The following CCDC12 variants were observed in gnomAD, a reference collection of about 807,000 sequenced individuals.
The protein encoded by CCDC12 is coiled-coil domain-containing protein 12.
CCDC12 carries 28 observed loss-of-function variants against 25.7 expected under a neutral mutation model. The observed-to-expected ratio is 1.09, with a 90% CI of 0.81 to 1.50. The LOEUF (loss-of-function observed/expected upper bound fraction) is 1.50. Ranked by LOEUF, CCDC12 falls within the 40% of genes most tolerant of loss-of-function variation. The pLI is 0.00. For synonymous variants in CCDC12, 75 were observed against 87.7 expected (o/e 0.86, Z 0.81); for missense variants, 198 against 210.0 (o/e 0.94, Z 0.35).
upstream of CCDC12, chr3:46,979,811 G>T: frequency 2.5e-6 from 1 of 401,622 alleles, no homozygotes; most frequent in Non-Finnish European, 4.3e-6. Flanking sequence ...CGGGCGGCGC[G>T]GAGGAGGCGG....
intron 1 of CCDC12, among the ~76,000 whole-genome samples, chr3:46,946,177 TGAA>T (rs1343465793): frequency 6.6e-6 from 1 of 152,208 alleles, no homozygotes; most frequent in African/African-American, 2.4e-5. Context: ...CACAGTAAGA[TGAA>T]GATCTCTTTC....
chr3:46,941,405 A>G (rs533926551), intron 1 of CCDC12, among the ~76,000 whole-genome samples: 1 of 152,118 alleles, frequency 6.6e-6, no homozygotes, highest in African/African-American at 2.4e-5. Flanking sequence ...TACTAAAAAC[A>G]CACAAAAAAA....
chr3:46,939,877 A>G (rs1001247556), intron 2 of CCDC12, among the ~76,000 whole-genome samples: 3 of 152,168 alleles, frequency 2.0e-5, no homozygotes, highest in Non-Finnish European at 4.4e-5. Context: ...AGGCTGTGGC[A>G]TTAGGAAAGC....
chr3:46,948,414 G>A (rs12491473), intron 1 of CCDC12, among the ~76,000 whole-genome samples: 55,759 of 152,138 alleles, frequency 0.37, 10,880 homozygotes, highest in Middle Eastern at 0.52. Context: ...GGTCAACAGC[G>A]GTGGACTAGA....
At chr3:46,940,885 G>A (rs2033672928) in intron 2 of CCDC12, 113 bp downstream of exon 2, 1 of 1,023,524 alleles carries the variant, frequency 9.8e-7, no homozygotes, top group Non-Finnish European at 1.5e-6. Context: ...TGGGCAGAAA[G>A]AAGAGGGGAG....
chr3:46,960,454 G>C (rs1284219362), intron 1 of CCDC12, among the ~76,000 whole-genome samples: 3 of 152,176 alleles, frequency 2.0e-5, no homozygotes, highest in African/African-American at 7.2e-5. Flanking sequence ...ATCTAGTGGT[G>C]CCCTGCCCTG....
At position 46,970,638 on chromosome 3, in the gene CCDC12, C is replaced by T. The variant is rs537080592; in HGVS notation, c.96+5999G>A. On this transcript the variant is annotated intron_variant, in intron 1 of 6. Coordinates refer to ENST00000683445, the MANE Select transcript of CCDC12 (RefSeq NM_001277074.2). ...CAGCCCCAAGGGCTGGTCAGCCAGA[C>T]AGCCAGTCTCCCTGTCTCAGAGCAG... is the stretch of plus-strand genomic sequence containing the variant. Among the ~76,000 whole-genome samples the T allele has an allele frequency of 2.0e-5, 3 of 152,348 alleles. No individual in the cohort carries two copies. In the South Asian group the frequency reaches 6.2e-4, roughly 32 times the overall value.
At chr3:46,976,361 C>G in intron 1 of CCDC12, 1 of 1,365,156 alleles carries the variant, frequency 7.3e-7, no homozygotes, top group Non-Finnish European at 9.5e-7. Context: ...ACACGAGCAA[C>G]ACCCGGGAAG....
intron 1 of CCDC12, among the ~76,000 whole-genome samples, chr3:46,947,738 A>G (rs981386737): frequency 5.9e-5 from 9 of 152,188 alleles, no homozygotes; most frequent in African/African-American, 2.2e-4. Flanking sequence ...ACCAGTTTGC[A>G]CCCACAGGCC....
At chr3:46,967,355 G>T (rs2034672341) in intron 1 of CCDC12, among the ~76,000 whole-genome samples, 3 of 151,992 alleles carry the variant, frequency 2.0e-5, no homozygotes, top group African/African-American at 4.8e-5. Context: ...TCCAGCCTTG[G>T]TGGTCTGCAA....
intron 2 of CCDC12, among the ~76,000 whole-genome samples, chr3:46,933,967 T>G (rs962250026): frequency 6.6e-6 from 1 of 151,742 alleles, no homozygotes; most frequent in South Asian, 2.1e-4. Context: ...TGTCGTCCAC[T>G]GGAGTGCAGT....
chr3:46,961,172 T>G (rs1479233104), intron 1 of CCDC12, among the ~76,000 whole-genome samples: 1 of 151,990 alleles, frequency 6.6e-6, no homozygotes, highest in Non-Finnish European at 1.5e-5. Context: ...GTATATGCGC[T>G]GGAGGTGGGT....
At chr3:46,938,829 G>A (rs1472935635) in intron 2 of CCDC12, among the ~76,000 whole-genome samples, 1 of 151,494 alleles carries the variant, frequency 6.6e-6, no homozygotes, top group African/African-American at 2.4e-5. Context: ...TCCAGCCTGG[G>A]TGACAGAGCG....
In CCDC12 at chr3:46,922,366, A is replaced by G. The variant is rs370543887; in HGVS notation, c.342-54T>C. ...AAGGTGAAGGCTGGCCTGATGTGGC[A>G]TTGGGTCCCCTCCCCTCTTGCAGCC... On this transcript the variant is annotated intron_variant, in intron 5 of 6. Transcript: ENST00000683445. The G allele has an allele frequency of 2.6e-4, 411 of 1,595,330 alleles. 1 individual carries two copies. Among genetic ancestry groups the G allele is most frequent in the Middle Eastern group, 6.6e-4 (4 of 6,022 alleles).
At chr3:46,937,555 TG>T (rs1331802213) in intron 2 of CCDC12, among the ~76,000 whole-genome samples, 1 of 152,204 alleles carries the variant, frequency 6.6e-6, no homozygotes, top group African/African-American at 2.4e-5. Context: ...TCCAATGGAC[TG>T]GAAGGTCACT....
chr3:46,924,983 G>A, intron 3 of CCDC12: 1 of 330,532 alleles, frequency 3.0e-6, no homozygotes, highest in South Asian at 2.5e-5. Context: ...CATGGCAAGA[G>A]TCTAGGCAAG....
At chr3:46,956,675 G>C (rs1057420491) in intron 1 of CCDC12, among the ~76,000 whole-genome samples, 1 of 152,096 alleles carries the variant, frequency 6.6e-6, no homozygotes. Context: ...AAAACACAAA[G>C]CCAGGAGTGG....
chr3:46,974,187 G>A (rs912133059), intron 1 of CCDC12, among the ~76,000 whole-genome samples: 1 of 152,176 alleles, frequency 6.6e-6, no homozygotes, highest in Non-Finnish European at 1.5e-5. Flanking sequence ...CAGGGGCTGG[G>A]GAAAGGGGGA....
intron 1 of CCDC12, among the ~76,000 whole-genome samples, chr3:46,953,751 G>T (rs995236045): frequency 6.6e-6 from 1 of 152,012 alleles, no homozygotes; most frequent in African/African-American, 2.4e-5. Context: ...AACCACAGTA[G>T]CAAATGCAGC....
Sources: allele counts gnomAD v4.1 joint callset (sites outside exome capture counted in the v4.1 genomes callset), GRCh38; gene constraint gnomAD v4.1.1; transcripts MANE v1.5; gene names NCBI Gene and HGNC (gene_info 2026-07-23, HGNC 2026-07-21).